NEGR1: variants seen among roughly 807,000 people sequenced by gnomAD.
NEGR1 encodes neuronal growth regulator 1, also known as IgLON family member 4.
In NEGR1, 10 loss-of-function variants were observed where a neutral mutation model predicts 40.9. The observed-to-expected ratio is 0.24, with a 90% CI of 0.15 to 0.42. The LOEUF (loss-of-function observed/expected upper bound fraction) is 0.42. Ranked by LOEUF, NEGR1 falls within the 10% of genes least tolerant of loss-of-function variation. The pLI, the probability that NEGR1 is intolerant of heterozygous loss-of-function variation, is 1.00. For missense variants in NEGR1, 352 were observed against 438.9 expected (o/e 0.80, Z 1.77); for synonymous variants, 185 against 166.8 (o/e 1.11, Z -0.84).
chr1:71,442,281 T>C (rs1361571015), intron 6 of NEGR1, among the ~76,000 whole-genome samples: 4 of 136,076 alleles, frequency 2.9e-5, no homozygotes, highest in Non-Finnish European at 4.6e-5. Flanking sequence ...TTCTTTATCA[T>C]CAATGAACAA....
At chr1:71,879,958 T>C (rs1660536471) in intron 2 of NEGR1, among the ~76,000 whole-genome samples, 1 of 152,168 alleles carries the variant, frequency 6.6e-6, no homozygotes, top group Non-Finnish European at 1.5e-5. Flanking sequence ...AGCTTTCATA[T>C]GAGTTCTATA....
intron 1 of NEGR1, among the ~76,000 whole-genome samples, chr1:72,115,930 T>C (rs999719152): frequency 1.3e-4 from 19 of 151,762 alleles, no homozygotes; most frequent in African/African-American, 4.6e-4. Context: ...GAACCAGAAA[T>C]AGGAGTTGAC....
intron 2 of NEGR1, among the ~76,000 whole-genome samples, chr1:71,787,585 C>A (rs919142156): frequency 6.6e-6 from 1 of 152,134 alleles, no homozygotes; most frequent in African/African-American, 2.4e-5. Context: ...CTTACAATCT[C>A]CTCAAAATAT....
chr1:72,006,570 G>T (rs1471473279), intron 1 of NEGR1, among the ~76,000 whole-genome samples: 2 of 152,144 alleles, frequency 1.3e-5, no homozygotes, highest in Admixed American at 1.3e-4. Context: ...GATCCATTAT[G>T]CATTTTGACA....
chr1:71,896,128 C>T (rs1660966745), intron 2 of NEGR1, among the ~76,000 whole-genome samples: 1 of 150,570 alleles, frequency 6.6e-6, no homozygotes, highest in South Asian at 2.1e-4. Flanking sequence ...ACCTCCTCCT[C>T]CCGAGCTCAA....
At chr1:71,504,180 A>AGGTTAACT (rs1406430714) in intron 6 of NEGR1, among the ~76,000 whole-genome samples, 1 of 151,948 alleles carries the variant, frequency 6.6e-6, no homozygotes, top group Non-Finnish European at 1.5e-5. Flanking sequence ...GACCTCTTAA[A>AGGTTAACT]GGTTAACTTT....
intron 1 of NEGR1, among the ~76,000 whole-genome samples, chr1:72,091,128 G>C (rs2100544184): frequency 6.6e-6 from 1 of 152,148 alleles, no homozygotes; most frequent in Non-Finnish European, 1.5e-5. Flanking sequence ...TAGACATTTA[G>C]ACTCATTTTA....
At chr1:71,709,183 A>C (rs1653997943) in intron 3 of NEGR1, among the ~76,000 whole-genome samples, 1 of 152,152 alleles carries the variant, frequency 6.6e-6, no homozygotes. Flanking sequence ...TCTCTTTCAC[A>C]ATGGTTGAAC....
intron 2 of NEGR1, among the ~76,000 whole-genome samples, chr1:71,825,127 G>A (rs1658573900): frequency 6.6e-6 from 1 of 151,832 alleles, no homozygotes; most frequent in Admixed American, 6.6e-5. Context: ...AGCTCTAATT[G>A]TTCCATATCT....
intron 4 of NEGR1, among the ~76,000 whole-genome samples, chr1:71,622,726 A>C (rs1006994406): frequency 6.6e-6 from 1 of 151,960 alleles, no homozygotes; most frequent in East Asian, 1.9e-4. Context: ...CAATTGAAAA[A>C]GTAATGGCAG....
chr1:72,148,187 C>T (rs1476879394), intron 1 of NEGR1, among the ~76,000 whole-genome samples: 1 of 152,146 alleles, frequency 6.6e-6, no homozygotes, highest in Non-Finnish European at 1.5e-5. Context: ...GCCCCTGCAG[C>T]AAACTTTTGC....
rs752661286 is a variant in NEGR1, at chr1:71,398,608, C to T, written c.*8838G>A. 3 of 152,200 alleles carry T rather than the reference C, an allele frequency of 2.0e-5. No individual in the cohort carries two copies. The highest frequency in any genetic ancestry group is 7.2e-5 in the African/African-American group (3 of 41,440). The allele number at this position is 152,200 out of a possible 1,614,324, so 9.4% of individuals were successfully genotyped here. On this transcript the variant is annotated 3_prime_UTR_variant, in exon 7 of 7. Transcript: ENST00000357731. ...GCTGCTCATAGGCAGAAGAGACTTG[C>T]CTTGTCTCAGATGAGACTTTAGACT... is the stretch of plus-strand genomic sequence containing the variant.
At chr1:71,830,260 G>C (rs188861750) in intron 2 of NEGR1, among the ~76,000 whole-genome samples, 53 of 151,902 alleles carry the variant, frequency 3.5e-4, no homozygotes, top group African/African-American at 1.2e-3. Flanking sequence ...GACATTTCCT[G>C]AATATCTACT....
At chr1:71,466,673 G>A (rs1646748185) in intron 6 of NEGR1, among the ~76,000 whole-genome samples, 1 of 152,084 alleles carries the variant, frequency 6.6e-6, no homozygotes, top group South Asian at 2.1e-4. Context: ...GAGAGAGTGT[G>A]AAGCACTGAG....
chr1:71,854,973 C>G (rs1659716955), intron 2 of NEGR1, among the ~76,000 whole-genome samples: 1 of 152,000 alleles, frequency 6.6e-6, no homozygotes, highest in African/African-American at 2.4e-5. Flanking sequence ...AAGACTCAAG[C>G]AATTGTGGGG....
At chr1:72,249,632 G>C (rs2100528073) in intron 1 of NEGR1, among the ~76,000 whole-genome samples, 1 of 152,178 alleles carries the variant, frequency 6.6e-6, no homozygotes, top group Non-Finnish European at 1.5e-5. Flanking sequence ...AAGATTATAG[G>C]TACTAAAGGA....
chr1:72,181,602 C>T (rs1173996200), intron 1 of NEGR1, among the ~76,000 whole-genome samples: 2 of 152,124 alleles, frequency 1.3e-5, no homozygotes, highest in Admixed American at 6.6e-5. Context: ...AAATCACCAT[C>T]TCATAAAGAT....
chr1:72,162,605 A>G (rs1651610820), intron 1 of NEGR1, among the ~76,000 whole-genome samples: 1 of 152,176 alleles, frequency 6.6e-6, no homozygotes, highest in Non-Finnish European at 1.5e-5. Context: ...TGTCACACAT[A>G]TAGCAAACAC....
intron 2 of NEGR1, among the ~76,000 whole-genome samples, chr1:71,842,076 G>A (rs1190467894): frequency 3.3e-5 from 5 of 152,132 alleles, no homozygotes; most frequent in African/African-American, 2.4e-5. Context: ...CATTGTCATT[G>A]CCTATTAGAT....
Sources: allele counts gnomAD v4.1 joint callset (sites outside exome capture counted in the v4.1 genomes callset), GRCh38; gene constraint gnomAD v4.1.1; transcripts MANE v1.5; gene names NCBI Gene and HGNC (gene_info 2026-07-23, HGNC 2026-07-21).